Variants in COL5A2 observed in about 807,000 individuals in gnomAD.
COL5A2 encodes collagen alpha-2(V) chain.
In COL5A2, 23 loss-of-function variants were observed where a neutral mutation model predicts 208.2. The observed-to-expected ratio is 0.11, with a 90% confidence interval of 0.08 to 0.16. The LOEUF is 0.16. Among genes scored for constraint, COL5A2 ranks in the 10% least tolerant of loss-of-function variants. The pLI is 1.00. For missense variants in COL5A2, 1,590 were observed against 1,956.4 expected, an observed-to-expected ratio of 0.81 and a Z score of 3.53; for synonymous variants, 625 against 628.5, an observed-to-expected ratio of 0.99 and a Z score of 0.08.
Position 189,100,148 on chromosome 2 carries a change from T to A in COL5A2, c.337-9A>T, listed in dbSNP as rs750659022. ...GGTTCTCCCTTTTGTCCCTGTGACA[T>A]TAAAAACAATTCAAAAATTCAATTA... is the stretch of plus-strand genomic sequence containing the variant. On this transcript the variant is annotated splice_polypyrimidine_tract_variant and intron_variant, in intron 3 of 53. Transcript: ENST00000374866. 1.7e-5 allele frequency: 27 copies of A among 1,609,832 alleles called. No individual in the cohort carries two copies. The highest frequency in any genetic ancestry group is 2.2e-5 in the Non-Finnish European group (26 of 1,176,482).
the COL5A2 span, among the ~76,000 whole-genome samples, chr2:189,259,994 C>A: frequency 2.0e-5 from 3 of 151,906 alleles, no homozygotes; most frequent in Non-Finnish European, 2.9e-5. Flanking sequence ...TCAGAAATGC[C>A]CAATGCTGGA....
At chr2:189,212,807 T>C (rs978606225) in intron 1 of COL5A2, among the ~76,000 whole-genome samples, 3 of 150,984 alleles carry the variant, frequency 2.0e-5, no homozygotes, top group Non-Finnish European at 2.9e-5. Flanking sequence ...AACAAGAGAA[T>C]CAGGAACTCT....
chr2:189,319,735 G>A, the COL5A2 span, among the ~76,000 whole-genome samples: 1 of 152,230 alleles, frequency 6.6e-6, no homozygotes, highest in African/African-American at 2.4e-5. Flanking sequence ...TCCACCTCTG[G>A]GAGCAGGGCG....
At chr2:189,052,136 T>G in intron 41 of COL5A2, 36 bp downstream of exon 41, 1 of 1,574,902 alleles carries the variant, frequency 6.3e-7, no homozygotes, top group Non-Finnish European at 8.7e-7. Context: ...TGTAATTATT[T>G]CATTATCAGT....
Position 189,036,757 on chromosome 2 carries a change from G to T in COL5A2, c.3972C>A (p.Ile1324=). 6.2e-7 allele frequency: 1 copy of T among 1,613,556 alleles called. No individual in the cohort carries two copies. Among genetic ancestry groups the T allele is most frequent in the Non-Finnish European group, 8.5e-7 (1 of 1,179,632 alleles). Residue 1324 remains isoleucine, a synonymous_variant, in exon 52 of 54, where the codon ATC becomes ATA. Coordinates refer to ENST00000374866, the MANE Select transcript of COL5A2 (RefSeq NM_000393.5). The part of the protein sequence containing the change: ...DPNQGSVEDA[I]KVYCNMETGE... ...CTGTTTCCATGTTGCAGTAAACTTT[G>T]ATTGCATCTTCAACAGATCCTTGGT...
At chr2:189,220,057 C>G (rs1689328222) in intron 1 of COL5A2, among the ~76,000 whole-genome samples, 1 of 152,104 alleles carries the variant, frequency 6.6e-6, no homozygotes, top group Non-Finnish European at 1.5e-5. Context: ...GGTCGAAATG[C>G]AGGCCTTTAT....
chr2:189,213,391 C>T (rs952558855), intron 1 of COL5A2, among the ~76,000 whole-genome samples: 5 of 152,146 alleles, frequency 3.3e-5, no homozygotes, highest in Non-Finnish European at 7.4e-5. Context: ...TTCCTACAAA[C>T]ACTGAAAGTG....
At chr2:189,325,028 G>A in the COL5A2 span, among the ~76,000 whole-genome samples, 1 of 152,130 alleles carries the variant, frequency 6.6e-6, no homozygotes, top group African/African-American at 2.4e-5. Context: ...GGACATGGAT[G>A]AAGTTGGAAA....
At chr2:189,118,920 C>A (rs1044672341) in intron 1 of COL5A2, among the ~76,000 whole-genome samples, 1 of 136,032 alleles carries the variant, frequency 7.4e-6, no homozygotes, top group Non-Finnish European at 1.6e-5. Flanking sequence ...CAAGTCACTT[C>A]CAGAACAGGT....
chr2:189,384,353 C>T, the COL5A2 span, among the ~76,000 whole-genome samples: 4 of 152,046 alleles, frequency 2.6e-5, no homozygotes, highest in Admixed American at 2.0e-4. Flanking sequence ...AATGGCTATA[C>T]TAATTTATAT....
chr2:189,284,756 C>G, the COL5A2 span, among the ~76,000 whole-genome samples: 2 of 152,116 alleles, frequency 1.3e-5, no homozygotes, highest in African/African-American at 4.8e-5. Context: ...GATTTTGATA[C>G]TGTGAAAACA....
At chr2:189,412,915 C>T in the COL5A2 span, among the ~76,000 whole-genome samples, 1 of 152,120 alleles carries the variant, frequency 6.6e-6, no homozygotes, top group Non-Finnish European at 1.5e-5. Flanking sequence ...TCCAAGTTCT[C>T]TGAGTGGAAA....
intron 1 of COL5A2, among the ~76,000 whole-genome samples, chr2:189,223,644 T>C (rs1295827019): frequency 2.0e-5 from 3 of 152,198 alleles, no homozygotes; most frequent in Non-Finnish European, 2.9e-5. Context: ...GAATGATCTA[T>C]AATTACACAC....
chr2:189,130,763 C>T (rs1687694113), intron 1 of COL5A2, among the ~76,000 whole-genome samples: 1 of 151,966 alleles, frequency 6.6e-6, no homozygotes, highest in African/African-American at 2.4e-5. Flanking sequence ...TACAAACCTA[C>T]CTTTTACACA....
the COL5A2 span, among the ~76,000 whole-genome samples, chr2:189,419,272 G>C: frequency 1.3e-5 from 2 of 151,916 alleles, no homozygotes; most frequent in Non-Finnish European, 2.9e-5. Context: ...TCTTATCCCT[G>C]GCCCTGTAAA....
At chr2:189,106,775 C>A (rs1687158183) in intron 2 of COL5A2, among the ~76,000 whole-genome samples, 1 of 151,066 alleles carries the variant, frequency 6.6e-6, no homozygotes, top group African/African-American at 2.4e-5. Flanking sequence ...AAGTTAGTAA[C>A]TGTCTTTATC....
the COL5A2 span, among the ~76,000 whole-genome samples, chr2:189,358,644 A>G: frequency 1.3e-5 from 2 of 152,158 alleles, no homozygotes; most frequent in African/African-American, 2.4e-5. Flanking sequence ...ATTACAATGA[A>G]TCTGTAGATT....
chr2:189,210,464 G>T (rs1454129665), intron 1 of COL5A2, among the ~76,000 whole-genome samples: 1 of 142,512 alleles, frequency 7.0e-6, no homozygotes, highest in Non-Finnish European at 1.5e-5. Flanking sequence ...GGAAGCCATT[G>T]AAAGTGGAAA....
At chr2:189,060,838 C>A (rs1686014683) in intron 30 of COL5A2, 55 bp from the exon 31 acceptor site, 22 of 1,286,230 alleles carry the variant, frequency 1.7e-5, no homozygotes, top group Non-Finnish European at 2.5e-5. Context: ...TAACAGGCTA[C>A]CAGTGTTAAC....
Sources: allele counts gnomAD v4.1 joint callset (sites outside exome capture counted in the v4.1 genomes callset), GRCh38; gene constraint gnomAD v4.1.1; transcripts MANE v1.5; gene names NCBI Gene and HGNC (gene_info 2026-07-23, HGNC 2026-07-21).